The following NKTR variants were observed in gnomAD, a reference collection of about 807,000 sequenced individuals.
NKTR encodes natural killer cell triggering receptor.
A neutral mutation model predicts 156.3 loss-of-function variants in NKTR; 67 were observed. That is an observed-to-expected ratio of 0.43 (90% CI 0.35 to 0.53). The LOEUF (loss-of-function observed/expected upper bound fraction) is 0.53, where lower values mean the gene tolerates loss of function less well. Ranked by LOEUF, NKTR falls within the 20% of genes least tolerant of loss-of-function variation. The pLI is 0.01. For synonymous variants in NKTR, 640 were observed against 596.6 expected (o/e 1.07, Z -1.06); for missense variants, 1,604 against 1,730.9 (o/e 0.93, Z 1.30).
chr3:42,630,871 G>T, intron 7 of NKTR: 1 of 1,363,858 alleles, frequency 7.3e-7, no homozygotes, highest in Non-Finnish European at 9.4e-7. Context: ...ACAATATCAT[G>T]TGTCCCTGTA....
chr3:42,643,325 GTGA>G lies in NKTR; in HGVS notation c.4143-12_4143-10del. ...GATCTATAAGATGATGGTCCTTCATGTGATTAATATTAGGACGTCCAGCAGGAG... is the reference window on the plus strand; with the variant it reads ...GATCTATAAGATGATGGTCCTTCATGTTAATATTAGGACGTCCAGCAGGAG... On this transcript the variant is annotated splice_polypyrimidine_tract_variant and intron_variant, in intron 14 of 16. Coordinates refer to ENST00000232978, the MANE Select transcript of NKTR (RefSeq NM_005385.4). 6.2e-7 allele frequency: 1 copy of G among 1,611,756 alleles called. No homozygotes were observed. The highest frequency in any genetic ancestry group is 8.5e-7 in the Non-Finnish European group (1 of 1,177,908).
chr3:42,621,169 A>G, intron 5 of NKTR: 1 of 1,052,086 alleles, frequency 9.5e-7, no homozygotes, highest in Non-Finnish European at 1.1e-6. Context: ...GTATGTTACT[A>G]CTAAAAGTGA....
Position 42,637,250 on chromosome 3 carries a change from A to T in NKTR, c.1546A>T (p.Arg516Ter). 6.2e-7 allele frequency: 1 copy of T among 1,612,460 alleles called. No individual in the cohort carries two copies. Among genetic ancestry groups the T allele is most frequent in the Non-Finnish European group, 8.5e-7 (1 of 1,179,522 alleles). Reference protein sequence around the residue: ...DVQSSLTHSSRDSYRSKSHSQ... With the variant: ...DVQSSLTHSS ...CCAGAGCTCTTTAACCCATTCCAGC[A>T]GAGACTCATACAGATCAAAATCTCA... Residue 516 changes from arginine (R) to a stop codon, truncating the protein, a stop_gained, in exon 13 of 17, where the codon AGA (arginine) becomes TGA (stop). Coordinates refer to ENST00000232978, the MANE Select transcript of NKTR (RefSeq NM_005385.4). LOFTEE classifies it high-confidence loss of function.
At position 42,647,488 on chromosome 3, in the gene NKTR, C is replaced by G. The variant is rs552908136; in HGVS notation, c.*1513C>G. The G allele has an allele frequency of 6.6e-6, 1 of 152,012 alleles. No individual in the cohort carries two copies. Among genetic ancestry groups the G allele is most frequent in the African/African-American group, 2.4e-5 (1 of 41,438 alleles). The allele number at this position is 152,012 out of a possible 1,614,324, so 9.4% of individuals were successfully genotyped here. A position where few individuals can be genotyped will look rare whatever the true frequency, so the allele number is the denominator to read the frequency against. ...GAAAAGAGCCCTCAGTTGGAGGGAGCTGACAACCCTTGGTGGAGGGAGGGT... is the reference window on the plus strand; with the variant it reads ...GAAAAGAGCCCTCAGTTGGAGGGAGGTGACAACCCTTGGTGGAGGGAGGGT... On this transcript the variant is annotated 3_prime_UTR_variant, in exon 17 of 17. Transcript: ENST00000232978.
intron 2 of NKTR, among the ~76,000 whole-genome samples, chr3:42,606,973 A>T (rs536599219): frequency 6.6e-6 from 1 of 152,286 alleles, no homozygotes; most frequent in South Asian, 2.1e-4. Flanking sequence ...CTGGTCTCAA[A>T]TGATCCTCCC....
In NKTR at chr3:42,647,305, T is replaced by G. The variant is rs1181905098; in HGVS notation, c.*1330T>G. 2.7e-5 allele frequency: 4 copies of G among 146,854 alleles called. No individual in the cohort carries two copies. Among genetic ancestry groups the G allele is most frequent in the South Asian group, 2.2e-4 (1 of 4,624 alleles). The allele number at this position is 146,854 out of a possible 1,614,324, so 9.1% of individuals were successfully genotyped here. ...GTGTGTGTGTGTGTGTGTGTGTGGT[T>G]TTTTTTTTTAATCTTTACTTTGAAT... On this transcript the variant is annotated 3_prime_UTR_variant, in exon 17 of 17. Transcript: ENST00000232978.
In NKTR at chr3:42,621,059, G is replaced by A. The variant is rs1707857819; in HGVS notation, c.287-370G>A. On this transcript the variant is annotated intron_variant, in intron 5 of 16. Transcript: ENST00000232978. ...AACTTCTTCCATGTATAGCACATTA[G>A]GCAAGCTAATTGGAAATTTGGAGGA... 4.1e-6 allele frequency: 4 copies of A among 984,750 alleles called. No homozygotes were observed. In the African/African-American group the frequency reaches 7.0e-5, roughly 17 times the overall value. The allele number at this position is 984,750 out of a possible 1,614,324, so 61.0% of individuals were successfully genotyped here. A position where few individuals can be genotyped will look rare whatever the true frequency, so the allele number is the denominator to read the frequency against.
chr3:42,627,598 T>C (rs1708506283), intron 6 of NKTR: 3 of 985,298 alleles, frequency 3.0e-6, no homozygotes, highest in Non-Finnish European at 3.6e-6. Flanking sequence ...TGTCAATTTC[T>C]AAGATTTATA....
intron 12 of NKTR, 101 bp from the exon 13 acceptor site, chr3:42,636,767 G>T (rs1208108218): frequency 1.4e-6 from 2 of 1,462,776 alleles, no homozygotes; most frequent in East Asian, 2.4e-5. Context: ...TGTGCTTAAA[G>T]TGTTAATGGG....
chr3:42,631,294 T>A lies in NKTR; in HGVS notation c.528T>A (p.Leu176=). 6.2e-7 allele frequency: 1 copy of A among 1,613,510 alleles called. No homozygotes were observed. The highest frequency in any genetic ancestry group is 2.2e-5 in the East Asian group (1 of 44,860). ...ADVRVIDCGV[L]ATKSIKDVFE... is the part of the protein sequence containing the mutation. ...TGCGAGTTATTGACTGTGGAGTACT[T>A]GCCACAAAATCAATAAAAGATGGTA... is the stretch of plus-strand genomic sequence containing the variant. Residue 176 remains leucine, a synonymous_variant, in exon 8 of 17, where the codon CTT becomes CTA. Coordinates refer to ENST00000232978, the MANE Select transcript of NKTR (RefSeq NM_005385.4).
chr3:42,614,903 T>G (rs1335350920), intron 2 of NKTR, among the ~76,000 whole-genome samples: 1 of 152,164 alleles, frequency 6.6e-6, no homozygotes, highest in African/African-American at 2.4e-5. Flanking sequence ...CACCTTGTTA[T>G]TGAGGCAAAA....
In NKTR at chr3:42,642,344, AGTTCCTCATTAGCTGACACT is replaced by A. The variant is rs1417828032; in HGVS notation, c.4047-154_4047-135del. Among the ~76,000 whole-genome samples the A allele has an allele frequency of 2.6e-5, 4 of 151,992 alleles. No homozygotes were observed. The East Asian group carries it at 5.8e-4, about 22-fold the overall frequency. ...TGATTTTAACCATGGTTGTTTTGAG[AGTTCCTCATTAGCTGACACT>A]GTCATATCCACTGTGAGGAGTTTGT... On this transcript the variant is annotated intron_variant, in intron 13 of 16. Transcript: ENST00000232978.
At position 42,638,547 on chromosome 3, in the gene NKTR, G is replaced by C; in HGVS notation, c.2843G>C (p.Trp948Ser). The C allele has an allele frequency of 6.2e-7, 1 of 1,613,848 alleles. No homozygotes were observed. Among genetic ancestry groups the C allele is most frequent in the Non-Finnish European group, 8.5e-7 (1 of 1,179,956 alleles). Residue 948 changes from tryptophan (W) to serine (S), a missense_variant, in exon 13 of 17, where the codon TGG becomes TCG. This residue lies in a region of NKTR where 1,255 missense variants were observed against 1,243.7 expected (regional missense o/e 1.01). Transcript: ENST00000232978. ...TCACTGCCTGATGATAATGGTGCTT[G>C]GAAATCAAGCAAACAGCGCACATCA... ...NTSLPDDNGAWKSSKQRTSTS... is the reference protein window; with the variant it reads ...NTSLPDDNGASKSSKQRTSTS...
At position 42,638,714 on chromosome 3, in the gene NKTR, A is replaced by G; in HGVS notation, c.3010A>G (p.Lys1004Glu). The G allele has an allele frequency of 6.2e-7, 1 of 1,613,738 alleles. No individual in the cohort carries two copies. The highest frequency in any genetic ancestry group is 8.5e-7 in the Non-Finnish European group (1 of 1,179,966). Residue 1004 changes from lysine to glutamate, a missense_variant, in exon 13 of 17, where the codon AAG becomes GAG. Coordinates refer to ENST00000232978, the MANE Select transcript of NKTR (RefSeq NM_005385.4). ...KEKLKGKKDK[K>E]HKAPKRKQAF... ...GAAATTGAAAGGGAAAAAAGACAAA[A>G]AGCATAAGGCTCCAAAACGAAAGCA...
chr3:42,637,755 G>T lies in NKTR; in HGVS notation c.2051G>T (p.Arg684Ile). 6.2e-7 allele frequency: 1 copy of T among 1,613,744 alleles called. No homozygotes were observed. Among genetic ancestry groups the T allele is most frequent in the Non-Finnish European group, 8.5e-7 (1 of 1,179,940 alleles). ...AGCACTTATTCAAAATACAGTGATA[G>T]AAGTTCAGAAAGCTCACCAAGGTCA... ...DQSTYSKYSD[R>I]SSESSPRSRS... Residue 684 changes from arginine (R) to isoleucine (I), a missense_variant, in exon 13 of 17, where the codon AGA (arginine) becomes ATA (isoleucine). Arg to Ile is a moderately conservative substitution (Grantham distance 97). This residue lies in a region of NKTR where 1,255 missense variants were observed against 1,243.7 expected (regional missense o/e 1.01). Transcript: ENST00000232978.
Position 42,634,854 on chromosome 3 carries a change from C to A in NKTR, c.1017+154C>A, listed in dbSNP as rs142733086. The A allele has an allele frequency of 1.3e-5, 7 of 558,408 alleles. No homozygotes were observed. The African/African-American group carries it at 1.3e-4, about 11-fold the overall frequency. The allele number at this position is 558,408 out of a possible 1,614,324, so 34.6% of individuals were successfully genotyped here. ...TTATGGGAAGGTATTGCTGTTAGAT[C>A]AAAGTATACTGCTGTGTTTGAATGG... On this transcript the variant is annotated intron_variant, in intron 11 of 16. Coordinates refer to ENST00000232978, the MANE Select transcript of NKTR (RefSeq NM_005385.4).
chr3:42,630,127 T>G (rs958705063), intron 6 of NKTR: 2 of 993,690 alleles, frequency 2.0e-6, no homozygotes, highest in African/African-American at 3.5e-5. Context: ...TTAATCACTT[T>G]CTTTCCATAG....
chr3:42,638,286 T>C lies in NKTR; in HGVS notation c.2582T>C (p.Leu861Ser), dbSNP rs972297397. ...TGCCCTCATTCAAAAAAAAGAACTTTGAAAGAGAATCTTTCTGATCACCTT... is the reference window on the plus strand; with the variant it reads ...TGCCCTCATTCAAAAAAAAGAACTTCGAAAGAGAATCTTTCTGATCACCTT... ...RECPHSKKRT[L>S]KENLSDHLRN... The change falls in exon 13 of 17, where the codon TTG becomes TCG. Residue 861 changes from leucine (L) to serine (S), a missense_variant. Around this residue, in one of 6 missense-constraint regions of NKTR, gnomAD observed 1,255 missense variants for 1,243.7 expected, o/e 1.01. Coordinates refer to ENST00000232978, the MANE Select transcript of NKTR (RefSeq NM_005385.4). The C allele has an allele frequency of 1.2e-6, 2 of 1,606,252 alleles. No individual in the cohort carries two copies. The highest frequency in any genetic ancestry group is 1.3e-5 in the African/African-American group (1 of 74,228).
intron 2 of NKTR, among the ~76,000 whole-genome samples, chr3:42,604,488 A>G (rs1577410688): frequency 6.6e-6 from 1 of 151,724 alleles, no homozygotes; most frequent in East Asian, 1.9e-4. Context: ...CTGCACTTGA[A>G]TGTACATTTT....
Sources: gnomAD v4.1 joint callset for allele counts (sites outside exome capture counted in the v4.1 genomes callset) on GRCh38, gnomAD v4.1.1 for gene constraint, gnomAD v4.1.1 regional missense constraint, MANE v1.5 for transcripts, NCBI Gene and HGNC (gene_info 2026-07-23, HGNC 2026-07-21) for gene names.